Variants in SUPT3H observed in about 807,000 individuals in gnomAD.
SUPT3H encodes SPT3 homolog, SAGA and STAGA complex component.
A neutral mutation model predicts 44.3 loss-of-function variants in SUPT3H; 44 were observed. That is an observed-to-expected ratio of 0.99 (90% CI 0.78 to 1.28). The LOEUF (loss-of-function observed/expected upper bound fraction) is 1.28. SUPT3H is among the 50% of genes most tolerant of loss of function. The pLI is 0.00. For missense variants in SUPT3H, 380 were observed against 387.1 expected, an observed-to-expected ratio of 0.98 and a Z score of 0.15; for synonymous variants, 124 against 125.6, an observed-to-expected ratio of 0.99 and a Z score of 0.09.
intron 2 of SUPT3H, among the ~76,000 whole-genome samples, chr6:45,166,583 CAAAAA>C (rs3054765): frequency 4.1e-5 from 4 of 96,550 alleles, no homozygotes; most frequent in Non-Finnish European, 6.1e-5. Flanking sequence ...AGACTCCATC[CAAAAA>C]AAAAAAAAAA....
At chr6:44,914,864 G>A (rs1159609849) in intron 10 of SUPT3H, among the ~76,000 whole-genome samples, 1 of 152,196 alleles carries the variant, frequency 6.6e-6, no homozygotes, top group African/African-American at 2.4e-5. Flanking sequence ...TCCTCACCAG[G>A]TGTGGATCAG....
At chr6:45,101,087 A>G (rs896156544) in intron 3 of SUPT3H, among the ~76,000 whole-genome samples, 4 of 152,228 alleles carry the variant, frequency 2.6e-5, no homozygotes, top group African/African-American at 2.4e-5. Flanking sequence ...GAAATAAGCC[A>G]TGCACAGAAA....
intron 2 of SUPT3H, among the ~76,000 whole-genome samples, chr6:45,111,527 C>T (rs999720141): frequency 7.7e-6 from 1 of 129,352 alleles, no homozygotes; most frequent in Non-Finnish European, 1.6e-5. Flanking sequence ...ATTCCCCCCT[C>T]CCTCCCCCCC....
At chr6:45,374,520 T>C (rs1582016884) in intron 1 of SUPT3H, among the ~76,000 whole-genome samples, 1 of 152,238 alleles carries the variant, frequency 6.6e-6, no homozygotes, top group African/African-American at 2.4e-5. Context: ...TAAAATATTT[T>C]ACCCACTTCA....
Position 45,119,505 on chromosome 6 carries a change from C to T in SUPT3H, c.102-13499G>A, listed in dbSNP as rs116525745. ...GTTCAGTGGGCACACAAACTAGATA[C>T]TGTTAGAGCAGATTAAAACCTTAAG... On this transcript the variant is annotated intron_variant, in intron 2 of 10. Coordinates refer to ENST00000371459, the MANE Select transcript of SUPT3H (RefSeq NM_003599.4). 6.3e-3 allele frequency among the ~76,000 whole-genome samples: 958 copies of T among 152,212 alleles called. 15 individuals carry two copies. Among genetic ancestry groups the T allele is most frequent in the African/African-American group, 0.02 (836 of 41,546 alleles).
intron 2 of SUPT3H, among the ~76,000 whole-genome samples, chr6:45,274,596 AT>A (rs1384317763): frequency 5.9e-5 from 9 of 152,188 alleles, no homozygotes; most frequent in African/African-American, 2.2e-4. Context: ...AAATCAGTTG[AT>A]TAGCTGGGAA....
chr6:45,064,764 C>T (rs920647947), intron 3 of SUPT3H, among the ~76,000 whole-genome samples: 66 of 145,928 alleles, frequency 4.5e-4, no homozygotes, highest in Non-Finnish European at 7.1e-4. Context: ...AGCTAACTAT[C>T]CTAAATATAT....
At chr6:45,025,280 G>A (rs566311633) in intron 3 of SUPT3H, among the ~76,000 whole-genome samples, 10 of 152,204 alleles carry the variant, frequency 6.6e-5, no homozygotes, top group Non-Finnish European at 1.0e-4. Context: ...CTCATCTAAC[G>A]TAGATAGAAA....
At chr6:44,884,290 C>A (rs1161738857) in intron 10 of SUPT3H, among the ~76,000 whole-genome samples, 1 of 152,074 alleles carries the variant, frequency 6.6e-6, no homozygotes, top group Non-Finnish European at 1.5e-5. Context: ...AAATGCAAAT[C>A]AAACCATAAT....
At chr6:44,863,368 C>A (rs1427039760) in intron 10 of SUPT3H, among the ~76,000 whole-genome samples, 4 of 152,084 alleles carry the variant, frequency 2.6e-5, no homozygotes, top group African/African-American at 9.7e-5. Context: ...GAAAAGATAT[C>A]CTGGGAAAAA....
intron 2 of SUPT3H, among the ~76,000 whole-genome samples, chr6:45,135,129 G>A (rs1804070488): frequency 6.6e-6 from 1 of 152,156 alleles, no homozygotes; most frequent in African/African-American, 2.4e-5. Flanking sequence ...ACAAACAGAT[G>A]AGTAGAGTGC....
rs551015710 is a variant in SUPT3H at position 45,279,659 on chromosome 6, G to C, written c.101+85542C>G. On this transcript the variant is annotated intron_variant, in intron 2 of 10. Transcript: ENST00000371459. ...AGCAGATGCTGCCACCACACTTCCT[G>C]TGCAGCCTGCAGAACCATAAGCCAA... Among the ~76,000 whole-genome samples the C allele has an allele frequency of 8.5e-5, 13 of 152,234 alleles. No individual in the cohort carries two copies. The South Asian group carries it at 2.7e-3, about 32-fold the overall frequency.
chr6:45,205,894 C>G (rs143149245), intron 2 of SUPT3H, among the ~76,000 whole-genome samples: 1,732 of 152,218 alleles, frequency 0.011, 28 homozygotes, highest in Admixed American at 0.051. Context: ...CAGTTGAGAT[C>G]AGCTCACTGC....
chr6:44,821,708 A>G (rs996670805), intron 11 of SUPT3H, among the ~76,000 whole-genome samples: 3 of 152,320 alleles, frequency 2.0e-5, no homozygotes, highest in Non-Finnish European at 2.9e-5. Flanking sequence ...AATTTTTCCC[A>G]AAATAAGACA....
At chr6:45,138,249 C>T (rs1399034363) in intron 2 of SUPT3H, among the ~76,000 whole-genome samples, 1 of 152,048 alleles carries the variant, frequency 6.6e-6, no homozygotes, top group Non-Finnish European at 1.5e-5. Context: ...TATATTGCTA[C>T]TGAGAATGTA....
intron 3 of SUPT3H, among the ~76,000 whole-genome samples, chr6:45,052,760 A>T (rs528660032): frequency 1.4e-4 from 22 of 152,330 alleles, no homozygotes; most frequent in Admixed American, 5.9e-4. Flanking sequence ...AGAGGCTGGG[A>T]ATGCAAAGAT....
chr6:44,876,836 G>GAAAAAAAAAAAAAAAAAAAAAAAGAA (rs200454659), intron 10 of SUPT3H, among the ~76,000 whole-genome samples: 1 of 92,240 alleles, frequency 1.1e-5, no homozygotes, highest in Non-Finnish European at 2.1e-5. Flanking sequence ...ATCTTCAATT[G>GAAAAAAAAAAAAAAAAAAAAAAAGAA]AAAAAAAAAA....
intron 2 of SUPT3H, among the ~76,000 whole-genome samples, chr6:45,114,045 AAAATT>A (rs1467185025): frequency 1.2e-4 from 19 of 152,024 alleles, no homozygotes; most frequent in Non-Finnish European, 1.9e-4. Flanking sequence ...TATAAAAAGC[AAAATT>A]AAATTATTTA....
chr6:45,018,808 CT>C (rs1455779611), intron 4 of SUPT3H, among the ~76,000 whole-genome samples: 1 of 151,736 alleles, frequency 6.6e-6, no homozygotes, highest in African/African-American at 2.4e-5. Flanking sequence ...CTAAAATTCT[CT>C]TTTTTGGTTG....
Sources: gnomAD v4.1 joint callset for allele counts (sites outside exome capture counted in the v4.1 genomes callset) on GRCh38, gnomAD v4.1.1 for gene constraint, MANE v1.5 for transcripts, NCBI Gene and HGNC (gene_info 2026-07-23, HGNC 2026-07-21) for gene names.